Variants in RPS6KC1 observed in about 807,000 individuals in gnomAD.
RPS6KC1 encodes ribosomal protein S6 kinase C1, also known as inactive ribosomal protein S6 kinase delta-1.
In RPS6KC1, 54 loss-of-function variants were observed where a neutral mutation model predicts 103.8. That is an observed-to-expected ratio of 0.52 (90% CI 0.42 to 0.65). The LOEUF is 0.65. RPS6KC1 is among the 30% of genes least tolerant of loss of function. RPS6KC1 has a pLI of 0.00. For synonymous variants in RPS6KC1, 439 were observed against 438.7 expected (o/e 1.00, Z -0.01); for missense variants, 1,151 against 1,253.8 (o/e 0.92, Z 1.24).
At chr1:213,277,484 G>T (rs1431752326), downstream of RPS6KC1, among the ~76,000 whole-genome samples, 1 of 152,210 alleles carries the variant, frequency 6.6e-6, no homozygotes, top group East Asian at 1.9e-4. Context: ...CAGAGCACTT[G>T]GCAGGCATGT....
chr1:213,246,015 A>G (rs1318766359), intron 12 of RPS6KC1, among the ~76,000 whole-genome samples: 1 of 152,156 alleles, frequency 6.6e-6, no homozygotes, highest in East Asian at 1.9e-4. Flanking sequence ...ATTAAAGAAA[A>G]CAAATCCAAC....
the RPS6KC1 span, among the ~76,000 whole-genome samples, chr1:213,455,225 G>A: frequency 6.6e-6 from 1 of 152,238 alleles, no homozygotes; most frequent in Non-Finnish European, 1.5e-5. Context: ...CCTGCAAGGA[G>A]GTGGAGGGAG....
At chr1:213,577,729 G>A in the RPS6KC1 span, among the ~76,000 whole-genome samples, 1 of 152,212 alleles carries the variant, frequency 6.6e-6, no homozygotes, top group Non-Finnish European at 1.5e-5. Context: ...AAATTTCTAA[G>A]TAGCAAAGCA....
the RPS6KC1 span, among the ~76,000 whole-genome samples, chr1:213,399,918 G>T: frequency 6.6e-6 from 1 of 152,112 alleles, no homozygotes; most frequent in Non-Finnish European, 1.5e-5. Context: ...AGCTTTTGTT[G>T]TCACTCAGGA....
At chr1:213,060,981 A>T (rs1217780836) in intron 1 of RPS6KC1, among the ~76,000 whole-genome samples, 1 of 151,856 alleles carries the variant, frequency 6.6e-6, no homozygotes, top group East Asian at 1.9e-4. Context: ...TCCAAGACCA[A>T]GAGGCCAGCA....
the RPS6KC1 span, among the ~76,000 whole-genome samples, chr1:213,817,327 G>C: frequency 8.4e-4 from 128 of 152,332 alleles, 1 homozygote; most frequent in Admixed American, 1.4e-3. Flanking sequence ...GAAGGAAGGC[G>C]GGGGAAGGCT....
chr1:213,226,041 G>A (rs1050389217), intron 8 of RPS6KC1, among the ~76,000 whole-genome samples: 3 of 151,788 alleles, frequency 2.0e-5, no homozygotes, highest in East Asian at 3.9e-4. Context: ...GGCTAACACG[G>A]TGAAACCCTG....
chr1:213,724,369 T>C, the RPS6KC1 span, among the ~76,000 whole-genome samples: 7 of 152,202 alleles, frequency 4.6e-5, no homozygotes, highest in Non-Finnish European at 8.8e-5. Flanking sequence ...TGTGAGCCAC[T>C]GCGCCCAGCC....
chr1:213,769,037 A>G, the RPS6KC1 span, among the ~76,000 whole-genome samples: 1 of 152,212 alleles, frequency 6.6e-6, no homozygotes, highest in African/African-American at 2.4e-5. Flanking sequence ...GCTTCCTTCT[A>G]CAATATATAG....
chr1:213,236,477 T>C (rs1167398294), intron 10 of RPS6KC1, among the ~76,000 whole-genome samples: 2 of 152,110 alleles, frequency 1.3e-5, no homozygotes, highest in Non-Finnish European at 2.9e-5. Flanking sequence ...AATATTCAGG[T>C]GATGTTTAGT....
At chr1:213,817,719 A>G in the RPS6KC1 span, 1 of 152,212 alleles carries the variant, frequency 6.6e-6, no homozygotes, top group Admixed American at 6.5e-5. Context: ...TTCCTCTTCT[A>G]TAAAATGGGA....
chr1:213,192,253 T>C (rs1385582265), intron 8 of RPS6KC1, among the ~76,000 whole-genome samples: 2 of 152,250 alleles, frequency 1.3e-5, no homozygotes, highest in African/African-American at 2.4e-5. Flanking sequence ...TTGGTCATGA[T>C]GAATGATCTT....
chr1:213,161,005 ATAG>A (rs1391331785), intron 6 of RPS6KC1, among the ~76,000 whole-genome samples: 1 of 152,208 alleles, frequency 6.6e-6, no homozygotes, highest in Non-Finnish European at 1.5e-5. Context: ...AATAAAAAAA[ATAG>A]TGGTGGCAAG....
At chr1:213,650,080 T>G in the RPS6KC1 span, among the ~76,000 whole-genome samples, 1 of 152,312 alleles carries the variant, frequency 6.6e-6, no homozygotes, top group Middle Eastern at 3.4e-3. Context: ...CTGATTGCAG[T>G]GGATGCAGGA....
intron 8 of RPS6KC1, among the ~76,000 whole-genome samples, chr1:213,180,980 T>G (rs897571245): frequency 6.6e-6 from 1 of 152,176 alleles, no homozygotes; most frequent in Non-Finnish European, 1.5e-5. Flanking sequence ...AATGTTACTT[T>G]CCTGGTTTTG....
the RPS6KC1 span, among the ~76,000 whole-genome samples, chr1:213,387,253 G>A: frequency 6.6e-6 from 1 of 152,214 alleles, no homozygotes; most frequent in African/African-American, 2.4e-5. Context: ...CATATTTGAG[G>A]GAATCTTAGG....
chr1:213,700,481 T>C, the RPS6KC1 span, among the ~76,000 whole-genome samples: 1 of 152,188 alleles, frequency 6.6e-6, no homozygotes, highest in Admixed American at 6.5e-5. Flanking sequence ...ATGTGATCCC[T>C]ACACGTTTTT....
the RPS6KC1 span, among the ~76,000 whole-genome samples, chr1:213,400,108 T>C: frequency 2.0e-5 from 3 of 152,128 alleles, no homozygotes; most frequent in African/African-American, 7.3e-5. Context: ...TCGGGTCTTG[T>C]GCGATTTATT....
intron 10 of RPS6KC1, among the ~76,000 whole-genome samples, chr1:213,238,454 G>A (rs2094277969): frequency 6.6e-6 from 1 of 152,164 alleles, no homozygotes; most frequent in Non-Finnish European, 1.5e-5. Context: ...GTTGGTATAT[G>A]ATTCAGTAGA....
Sources: gnomAD v4.1 joint callset for allele counts (sites outside exome capture counted in the v4.1 genomes callset) on GRCh38, gnomAD v4.1.1 for gene constraint, MANE v1.5 for transcripts, NCBI Gene and HGNC (gene_info 2026-07-23, HGNC 2026-07-21) for gene names.